The following NXPE2 variants were observed in gnomAD, a reference collection of about 807,000 sequenced individuals.
NXPE2 encodes the protein NXPE family member 2.
A neutral mutation model predicts 34.4 loss-of-function variants in NXPE2; 34 were observed. The ratio of observed to expected loss-of-function variants is 0.99; its 90% confidence interval spans 0.75 to 1.31. NXPE2 has a LOEUF of 1.31. Ranked by LOEUF, NXPE2 falls within the 40% of genes most tolerant of loss-of-function variation. The pLI, the probability that NXPE2 is intolerant of heterozygous loss-of-function variation, is 0.00. For synonymous variants in NXPE2, 235 were observed against 231.3 expected, an observed-to-expected ratio of 1.02 and a Z score of -0.15; for missense variants, 649 against 672.5, an observed-to-expected ratio of 0.97 and a Z score of 0.39.
the NXPE2 span, among the ~76,000 whole-genome samples, chr11:114,718,033 C>T: frequency 6.6e-6 from 1 of 152,138 alleles, no homozygotes; most frequent in Non-Finnish European, 1.5e-5. Context: ...TCTGTGTCTA[C>T]AATGCTGGGC....
the NXPE2 span, among the ~76,000 whole-genome samples, chr11:114,666,425 C>T: frequency 6.6e-6 from 1 of 152,032 alleles, no homozygotes; most frequent in South Asian, 2.1e-4. Flanking sequence ...AAAATCAATT[C>T]AATTTGATTA....
the NXPE2 span, among the ~76,000 whole-genome samples, chr11:114,643,958 C>T: frequency 6.6e-6 from 1 of 152,000 alleles, no homozygotes; most frequent in Admixed American, 6.6e-5. Flanking sequence ...ATTTGTAGTT[C>T]CCCTTGAAGA....
the NXPE2 span, among the ~76,000 whole-genome samples, chr11:114,673,302 CA>C: frequency 5.3e-5 from 8 of 150,964 alleles, no homozygotes; most frequent in Admixed American, 4.6e-4. Flanking sequence ...TATAACAAAC[CA>C]AAACTTATGG....
chr11:114,572,661 A>G, the NXPE2 span, among the ~76,000 whole-genome samples: 1 of 152,190 alleles, frequency 6.6e-6, no homozygotes, highest in Non-Finnish European at 1.5e-5. Context: ...CAATCCATCA[A>G]AGACAAAAAG....
chr11:114,783,090 G>C, the NXPE2 span, among the ~76,000 whole-genome samples: 1 of 152,182 alleles, frequency 6.6e-6, no homozygotes, highest in Non-Finnish European at 1.5e-5. Context: ...TCCCTGCAAA[G>C]TCCAAAACGA....
chr11:114,801,752 G>A, the NXPE2 span, among the ~76,000 whole-genome samples: 1 of 152,162 alleles, frequency 6.6e-6, no homozygotes, highest in Admixed American at 6.5e-5. Context: ...GATGTTGGAG[G>A]TGCAAAATAG....
the NXPE2 span, among the ~76,000 whole-genome samples, chr11:114,659,469 A>C: frequency 2.0e-5 from 3 of 152,098 alleles, no homozygotes; most frequent in Admixed American, 1.3e-4. Flanking sequence ...GAAAAAAAAA[A>C]CAGTACAGAT....
At chr11:114,710,424 TCA>T (rs1484185477), downstream of NXPE2, among the ~76,000 whole-genome samples, 1 of 152,106 alleles carries the variant, frequency 6.6e-6, no homozygotes, top group Non-Finnish European at 1.5e-5. Context: ...AAAATGGATG[TCA>T]CAGAAATAAA....
downstream of NXPE2, among the ~76,000 whole-genome samples, chr11:114,711,279 A>G (rs1859607640): frequency 6.6e-6 from 1 of 152,112 alleles, no homozygotes; most frequent in Non-Finnish European, 1.5e-5. Flanking sequence ...TTTGTTATAT[A>G]TAGCATATGA....
chr11:114,704,697 A>G (rs919901970), intron 4 of NXPE2, among the ~76,000 whole-genome samples: 10 of 152,198 alleles, frequency 6.6e-5, no homozygotes, highest in African/African-American at 2.2e-4. Flanking sequence ...CTGAGGTCCT[A>G]CTGTACAAAG....
At chr11:114,745,014 G>C in the NXPE2 span, among the ~76,000 whole-genome samples, 1 of 152,042 alleles carries the variant, frequency 6.6e-6, no homozygotes, top group South Asian at 2.1e-4. Flanking sequence ...ACTTCAGGAA[G>C]TTATTCTTTC....
the NXPE2 span, chr11:114,530,502 G>A: frequency 1.2e-6 from 2 of 1,613,938 alleles, no homozygotes; most frequent in Non-Finnish European, 1.7e-6. Context: ...CCAGAACAGA[G>A]TGAAGCTGAC....
At chr11:114,636,278 T>A in the NXPE2 span, among the ~76,000 whole-genome samples, 1 of 152,060 alleles carries the variant, frequency 6.6e-6, no homozygotes, top group African/African-American at 2.4e-5. Context: ...TCTCTGATGG[T>A]AGTTTGTATT....
chr11:114,666,791 G>T, the NXPE2 span, among the ~76,000 whole-genome samples: 1 of 152,148 alleles, frequency 6.6e-6, no homozygotes, highest in South Asian at 2.1e-4. Flanking sequence ...TAGAGTATTG[G>T]TCTTTTCCTT....
At chr11:114,776,044 G>T in the NXPE2 span, among the ~76,000 whole-genome samples, 2 of 152,172 alleles carry the variant, frequency 1.3e-5, no homozygotes, top group Non-Finnish European at 2.9e-5. Flanking sequence ...TCTCCTGTGG[G>T]TCTTTATCTC....
the NXPE2 span, among the ~76,000 whole-genome samples, chr11:114,758,278 T>C: frequency 6.6e-6 from 1 of 152,180 alleles, no homozygotes; most frequent in South Asian, 2.1e-4. Context: ...GGAGGGACAA[T>C]GGAGTGGAAT....
the NXPE2 span, among the ~76,000 whole-genome samples, chr11:114,547,438 A>G: frequency 6.6e-6 from 1 of 152,208 alleles, no homozygotes; most frequent in Admixed American, 6.5e-5. Flanking sequence ...AGAAGTGACA[A>G]TGAAATATAA....
chr11:114,541,522 AC>A, the NXPE2 span, among the ~76,000 whole-genome samples: 4 of 152,244 alleles, frequency 2.6e-5, no homozygotes, highest in Non-Finnish European at 4.4e-5. Flanking sequence ...GACACGTGAC[AC>A]AGCCGTCAGG....
At chr11:114,603,971 C>A in the NXPE2 span, among the ~76,000 whole-genome samples, 1 of 151,082 alleles carries the variant, frequency 6.6e-6, no homozygotes, top group Non-Finnish European at 1.5e-5. Flanking sequence ...ACTACTATTA[C>A]CTGGTGGATA....
Sources: gnomAD v4.1 joint callset for allele counts (sites outside exome capture counted in the v4.1 genomes callset) on GRCh38, gnomAD v4.1.1 for gene constraint, MANE v1.5 for transcripts, NCBI Gene and HGNC (gene_info 2026-07-23, HGNC 2026-07-21) for gene names.